KCNH7: variants seen among roughly 807,000 people sequenced by gnomAD.
The protein encoded by KCNH7 is voltage-gated inwardly rectifying potassium channel KCNH7.
Under a neutral mutation model 120.8 loss-of-function variants are expected in KCNH7, and 49 were observed. That is an observed-to-expected ratio of 0.41 (90% CI 0.32 to 0.51). KCNH7 has a LOEUF of 0.51. Among genes scored for constraint, KCNH7 ranks in the 20% least tolerant of loss-of-function variants. The pLI is 0.38. For missense variants in KCNH7, 1,097 were observed against 1,446.6 expected, an observed-to-expected ratio of 0.76 and a Z score of 3.92; for synonymous variants, 547 against 516.1, an observed-to-expected ratio of 1.06 and a Z score of -0.81.
intron 2 of KCNH7, among the ~76,000 whole-genome samples, chr2:162,708,883 A>G (rs1301984827): frequency 6.6e-6 from 1 of 152,070 alleles, no homozygotes; most frequent in Admixed American, 6.6e-5. Flanking sequence ...AATTGAATAT[A>G]TCTTTGGAAT....
chr2:162,675,680 A>T (rs1210881560), intron 2 of KCNH7, among the ~76,000 whole-genome samples: 1 of 151,506 alleles, frequency 6.6e-6, no homozygotes. Context: ...ATGTAACCAT[A>T]TGGTTTACTG....
intron 9 of KCNH7, among the ~76,000 whole-genome samples, chr2:162,414,796 G>A (rs1687492198): frequency 1.3e-5 from 2 of 152,028 alleles, no homozygotes; most frequent in Non-Finnish European, 2.9e-5. Flanking sequence ...TAAAAAAGTA[G>A]AGATGTTGCA....
At position 162,701,304 on chromosome 2, in the gene KCNH7, A is replaced by G. The variant is rs1471829342; in HGVS notation, c.307+135233T>C. 5.3e-5 allele frequency among the ~76,000 whole-genome samples: 8 copies of G among 152,278 alleles called. No individual in the cohort carries two copies. In the East Asian group the frequency reaches 1.5e-3, roughly 29 times the overall value. On this transcript the variant is annotated intron_variant, in intron 2 of 15. Coordinates refer to ENST00000332142, the MANE Select transcript of KCNH7 (RefSeq NM_033272.4). ...ATAATAAAAAGTTTGCTAATCATGC[A>G]TCATTGACGAGTTACCTGAAGAATT...
chr2:162,595,850 G>A (rs1443621655), intron 2 of KCNH7, among the ~76,000 whole-genome samples: 2 of 151,372 alleles, frequency 1.3e-5, no homozygotes, highest in African/African-American at 2.4e-5. Context: ...TTAGAACAGC[G>A]AAATAAATTG....
At chr2:162,667,108 C>T (rs1275258211) in intron 2 of KCNH7, among the ~76,000 whole-genome samples, 1 of 151,252 alleles carries the variant, frequency 6.6e-6, no homozygotes, top group East Asian at 2.0e-4. Flanking sequence ...CAGCCTCGAC[C>T]TCCCGGGCTC....
chr2:162,446,087 G>A lies in KCNH7; in HGVS notation c.1485C>T (p.Gly495=), dbSNP rs1573967458. 6.2e-7 allele frequency: 1 copy of A among 1,613,892 alleles called. No individual in the cohort carries two copies. The highest frequency in any genetic ancestry group is 2.2e-5 in the East Asian group (1 of 44,860). The part of the protein sequence containing the change: ...PAKIAIHYFK[G]WFLIDMVAAI... ...CTGCAACCATGTCAATCAGGAACCA[G>A]CCTTTGAAGTAGTGTATTGCTATTT... Residue 495 remains glycine, a synonymous_variant, in exon 7 of 16, where the codon GGC becomes GGT. Coordinates refer to ENST00000332142, the MANE Select transcript of KCNH7 (RefSeq NM_033272.4).
intron 2 of KCNH7, among the ~76,000 whole-genome samples, chr2:162,725,500 T>TA (rs1425564506): frequency 2.0e-5 from 3 of 152,188 alleles, no homozygotes; most frequent in Non-Finnish European, 4.4e-5. Context: ...TTTCATGCAG[T>TA]CTTTTTACCA....
chr2:162,559,105 T>C (rs757253433), intron 2 of KCNH7, among the ~76,000 whole-genome samples: 2 of 143,834 alleles, frequency 1.4e-5, no homozygotes, highest in Non-Finnish European at 3.0e-5. Context: ...AAAAACAATA[T>C]GGTGCAGTTG....
chr2:162,537,162 C>A lies in KCNH7; in HGVS notation c.308-82G>T, dbSNP rs77598638. ...AGTAACATTAAAATTGAAATATACT[C>A]TTAAGGAAATTTGTATCTTAAATGA... On this transcript the variant is annotated intron_variant, in intron 2 of 15. Coordinates refer to ENST00000332142, the MANE Select transcript of KCNH7 (RefSeq NM_033272.4). The A allele has an allele frequency of 1.0e-3, 1,103 of 1,083,016 alleles. 9 individuals are homozygous for A. In the East Asian group the frequency reaches 0.016, roughly 15 times the overall value. The allele number at this position is 1,083,016 out of a possible 1,614,324, so 67.1% of individuals were successfully genotyped here.
chr2:162,674,123 G>C (rs1054849157), intron 2 of KCNH7, among the ~76,000 whole-genome samples: 4 of 151,692 alleles, frequency 2.6e-5, no homozygotes, highest in African/African-American at 4.8e-5. Context: ...TTATATACAA[G>C]GAAGGTGGAA....
chr2:162,807,743 C>T (rs549459733), intron 2 of KCNH7, among the ~76,000 whole-genome samples: 10 of 151,908 alleles, frequency 6.6e-5, no homozygotes, highest in South Asian at 4.2e-4. Flanking sequence ...AGTGCAGTGG[C>T]GCAATCTCGG....
Position 162,517,893 on chromosome 2 carries a change from T to C in KCNH7, c.729A>G (p.Gln243=). 2 of 1,599,178 alleles carry C rather than the reference T, an allele frequency of 1.3e-6. No homozygotes were observed. The highest frequency in any genetic ancestry group is 1.7e-6 in the Non-Finnish European group (2 of 1,166,992). ...GCATGTCAGGGTAGAGTCGGTCCCA[T>C]TGCCTTTTGGGAGAGGAATGGTCAA... is the stretch of plus-strand genomic sequence containing the variant. The part of the protein sequence containing the change: ...GPLDHSSPKR[Q]WDRLYPDMLQ... Residue 243 remains glutamine, a synonymous_variant, in exon 4 of 16, where the codon CAA becomes CAG. Transcript: ENST00000332142.
chr2:162,519,860 A>T (rs1477244750), intron 3 of KCNH7, among the ~76,000 whole-genome samples: 1 of 151,786 alleles, frequency 6.6e-6, no homozygotes, highest in African/African-American at 2.4e-5. Flanking sequence ...ATTTATTATG[A>T]ACTTTTCCTC....
intron 2 of KCNH7, among the ~76,000 whole-genome samples, chr2:162,820,374 C>T (rs1411259598): frequency 2.6e-5 from 4 of 151,884 alleles, no homozygotes; most frequent in Non-Finnish European, 5.9e-5. Flanking sequence ...CCACGCACAG[C>T]CTATTCCATA....
chr2:162,677,557 C>T (rs1199124199), intron 2 of KCNH7, among the ~76,000 whole-genome samples: 1 of 151,422 alleles, frequency 6.6e-6, no homozygotes, highest in Non-Finnish European at 1.5e-5. Flanking sequence ...CCACAGTATA[C>T]TACAACATGT....
chr2:162,517,421 T>C (rs535353599), intron 4 of KCNH7, among the ~76,000 whole-genome samples: 6 of 151,870 alleles, frequency 4.0e-5, no homozygotes, highest in African/African-American at 1.4e-4. Context: ...CTTGAGATGA[T>C]AGTGTTCATT....
At chr2:162,523,036 T>C (rs941133914) in intron 3 of KCNH7, among the ~76,000 whole-genome samples, 10 of 151,860 alleles carry the variant, frequency 6.6e-5, no homozygotes, top group African/African-American at 2.4e-4. Flanking sequence ...AAGTCTATAA[T>C]TATCACTTTA....
chr2:162,432,378 T>C (rs1038504356), intron 8 of KCNH7, among the ~76,000 whole-genome samples: 2 of 152,036 alleles, frequency 1.3e-5, no homozygotes, highest in African/African-American at 2.4e-5. Context: ...ATGTTATTTG[T>C]TTATACAAAT....
At chr2:162,409,333 A>G (rs1017593782) in intron 9 of KCNH7, among the ~76,000 whole-genome samples, 9 of 151,918 alleles carry the variant, frequency 5.9e-5, no homozygotes, top group African/African-American at 1.7e-4. Flanking sequence ...AATAACACAC[A>G]TGAATTCTTG....
Sources: allele counts gnomAD v4.1 joint callset (sites outside exome capture counted in the v4.1 genomes callset), GRCh38; gene constraint gnomAD v4.1.1; transcripts MANE v1.5; gene names NCBI Gene and HGNC (gene_info 2026-07-23, HGNC 2026-07-21).